TMCC1: variants seen among roughly 807,000 people sequenced by gnomAD.
TMCC1 encodes the protein transmembrane and coiled-coil domains protein 1.
In TMCC1, 15 loss-of-function variants were observed where a neutral mutation model predicts 52.4. The observed-to-expected ratio is 0.29, with a 90% CI of 0.19 to 0.44. TMCC1 has a LOEUF of 0.44. Among genes scored for constraint, TMCC1 ranks in the 20% least tolerant of loss-of-function variants. TMCC1 has a pLI of 1.00. For missense variants in TMCC1, 503 were observed against 806.0 expected (o/e 0.62, Z 4.55); for synonymous variants, 279 against 301.9 (o/e 0.92, Z 0.79).
In TMCC1 at chr3:129,791,314, C is replaced by T. The variant is rs548006839; in HGVS notation, c.576+36489G>A. 3.3e-5 allele frequency among the ~76,000 whole-genome samples: 5 copies of T among 152,026 alleles called. No individual in the cohort carries two copies. In the East Asian group the frequency reaches 7.8e-4, roughly 24 times the overall value. ...TTCACCATGTTAGCCAGGATGGTCT[C>T]GATCTCCTGACTTCGTGATCTACCC... On this transcript the variant is annotated intron_variant, in intron 4 of 6. Coordinates refer to ENST00000393238, the MANE Select transcript of TMCC1 (RefSeq NM_001017395.5).
chr3:129,855,304 T>G (rs981643951), intron 2 of TMCC1, among the ~76,000 whole-genome samples: 1 of 152,166 alleles, frequency 6.6e-6, no homozygotes, highest in African/African-American at 2.4e-5. Context: ...AACACCTCAT[T>G]GAGTTTTTCT....
At position 129,688,537 on chromosome 3, in the gene TMCC1, C is replaced by A; in HGVS notation, c.577-17273G>T. ...CAGGTACAGCCGCACCACATTAATA[C>A]CCTCGCATAGCCAATCCTCCGCAGT... On this transcript the variant is annotated intron_variant, in intron 4 of 6. Transcript: ENST00000393238. 3.0e-6 allele frequency: 3 copies of A among 985,514 alleles called. No homozygotes were observed. In the South Asian group the frequency reaches 1.4e-4, roughly 46 times the overall value. The allele number at this position is 985,514 out of a possible 1,614,324, so 61.0% of individuals were successfully genotyped here. A position where few individuals can be genotyped will look rare whatever the true frequency, so the allele number is the denominator to read the frequency against.
chr3:129,833,496 G>T (rs1047710129), intron 2 of TMCC1, among the ~76,000 whole-genome samples: 1 of 152,126 alleles, frequency 6.6e-6, no homozygotes, highest in Admixed American at 6.5e-5. Context: ...CTTGAGCCCC[G>T]GAGCTGGAGA....
intron 4 of TMCC1, among the ~76,000 whole-genome samples, chr3:129,781,290 T>C (rs2055503662): frequency 6.6e-6 from 1 of 152,208 alleles, no homozygotes; most frequent in Non-Finnish European, 1.5e-5. Flanking sequence ...TACTATGCTT[T>C]CATTACCACA....
intron 4 of TMCC1, among the ~76,000 whole-genome samples, chr3:129,809,962 C>T (rs1047915901): frequency 2.0e-5 from 3 of 152,150 alleles, no homozygotes; most frequent in African/African-American, 4.8e-5. Context: ...ATCCTCATAA[C>T]AATGAAAACA....
At chr3:129,838,805 A>T (rs2059290728) in intron 2 of TMCC1, among the ~76,000 whole-genome samples, 1 of 151,408 alleles carries the variant, frequency 6.6e-6, no homozygotes, top group African/African-American at 2.4e-5. Context: ...TCATATTCAA[A>T]CTGCTGAAAG....
At chr3:129,860,803 T>C (rs1164812190) in intron 2 of TMCC1, 1 of 152,076 alleles carries the variant, frequency 6.6e-6, no homozygotes, top group Admixed American at 6.5e-5. Flanking sequence ...TTTCACCACG[T>C]TGGCCAGCCT....
chr3:129,825,299 A>G (rs962250372), intron 4 of TMCC1, among the ~76,000 whole-genome samples: 1 of 152,142 alleles, frequency 6.6e-6, no homozygotes, highest in African/African-American at 2.4e-5. Context: ...ACTTTTCTCT[A>G]TCTTCCAGGT....
At chr3:129,856,899 C>A (rs1013949901) in intron 2 of TMCC1, among the ~76,000 whole-genome samples, 1 of 152,030 alleles carries the variant, frequency 6.6e-6, no homozygotes, top group African/African-American at 2.4e-5. Flanking sequence ...AAAGAAGAGA[C>A]CCAGAACCAG....
At chr3:129,763,433 C>G (rs529350961) in intron 4 of TMCC1, among the ~76,000 whole-genome samples, 2 of 144,446 alleles carry the variant, frequency 1.4e-5, no homozygotes, top group South Asian at 4.3e-4. Context: ...GTAGTCCCAA[C>G]TACTTGGGAG....
At chr3:129,753,707 G>A (rs2052738091) in intron 4 of TMCC1, among the ~76,000 whole-genome samples, 1 of 152,074 alleles carries the variant, frequency 6.6e-6, no homozygotes, top group African/African-American at 2.4e-5. Context: ...TTAAACTAAC[G>A]AAGGGTATCT....
At chr3:129,765,947 T>C (rs1039224228) in intron 4 of TMCC1, among the ~76,000 whole-genome samples, 2 of 152,112 alleles carry the variant, frequency 1.3e-5, no homozygotes, top group Non-Finnish European at 2.9e-5. Context: ...ATCACCTACA[T>C]ACAATATTTT....
In TMCC1 at chr3:129,761,327, C is replaced by CAAAAA. The variant is rs59160769; in HGVS notation, c.576+66471_576+66475dup. 1.6e-4 allele frequency among the ~76,000 whole-genome samples: 10 copies of CAAAAA among 61,230 alleles called. No homozygotes were observed. In the East Asian group the frequency reaches 2.2e-3, roughly 13 times the overall value. 40.2% of individuals were successfully genotyped at this position (61,230 alleles called of 152,430 possible). ...TGGGCGACAGAGCGAGACTCCGTCTCAAAAAAAAAAAAAAAAAAAAAAAAT... is the reference window on the plus strand; with the variant it reads ...TGGGCGACAGAGCGAGACTCCGTCTCAAAAAAAAAAAAAAAAAAAAAAAAAAAAAT... On this transcript the variant is annotated intron_variant, in intron 4 of 6. Coordinates refer to ENST00000393238, the MANE Select transcript of TMCC1 (RefSeq NM_001017395.5).
intron 4 of TMCC1, among the ~76,000 whole-genome samples, chr3:129,757,595 G>A (rs988334813): frequency 4.6e-5 from 7 of 151,996 alleles, no homozygotes; most frequent in African/African-American, 7.3e-5. Context: ...CCAAGGTGGG[G>A]GGATCATTTG....
At chr3:129,740,767 C>A (rs2051386763) in intron 4 of TMCC1, among the ~76,000 whole-genome samples, 1 of 152,148 alleles carries the variant, frequency 6.6e-6, no homozygotes, top group African/African-American at 2.4e-5. Context: ...CTTGTACTTA[C>A]CACTGTTCCC....
At chr3:129,774,785 A>C (rs2054891483) in intron 4 of TMCC1, among the ~76,000 whole-genome samples, 1 of 152,162 alleles carries the variant, frequency 6.6e-6, no homozygotes, top group Non-Finnish European at 1.5e-5. Context: ...CTAAGAAATA[A>C]ATAGTAGTTT....
At chr3:129,799,582 G>T (rs867335393) in intron 4 of TMCC1, among the ~76,000 whole-genome samples, 1 of 152,048 alleles carries the variant, frequency 6.6e-6, no homozygotes, top group African/African-American at 2.4e-5. Flanking sequence ...AGGCCGAGGC[G>T]GGTGGATCAC....
chr3:129,825,133 C>A (rs1379088304), intron 4 of TMCC1, among the ~76,000 whole-genome samples: 1 of 152,222 alleles, frequency 6.6e-6, no homozygotes, highest in Non-Finnish European at 1.5e-5. Flanking sequence ...AGGGCACCAC[C>A]TGGTGGTCAA....
At chr3:129,707,708 C>T (rs1437021314) in intron 4 of TMCC1, among the ~76,000 whole-genome samples, 7 of 151,938 alleles carry the variant, frequency 4.6e-5, no homozygotes, top group South Asian at 2.1e-4. Context: ...CCGAGGCGGG[C>T]GGATCGTGAG....
Sources: gnomAD v4.1 joint callset for allele counts (sites outside exome capture counted in the v4.1 genomes callset) on GRCh38, gnomAD v4.1.1 for gene constraint, MANE v1.5 for transcripts, NCBI Gene and HGNC (gene_info 2026-07-23, HGNC 2026-07-21) for gene names.